The following TENM1 variants were observed in gnomAD, a reference collection of about 807,000 sequenced individuals.
The protein encoded by TENM1 is teneurin-1.
In TENM1, 35 loss-of-function variants were observed where a neutral mutation model predicts 174.8. The ratio of observed to expected loss-of-function variants is 0.20; its 90% CI spans 0.15 to 0.27. TENM1 has a LOEUF of 0.27. TENM1 is among the 10% of genes least tolerant of loss of function. The pLI, the probability that TENM1 is intolerant of heterozygous loss-of-function variation, is 1.00. For missense variants in TENM1, 1,633 were observed against 2,130.1 expected (o/e 0.77, Z 4.59); for synonymous variants, 781 against 798.7 (o/e 0.98, Z 0.37).
At chrX:124,997,933 T>C in the TENM1 span, among the ~76,000 whole-genome samples, 1 of 110,141 alleles carries the variant, frequency 9.1e-6, no homozygotes, top group East Asian at 2.9e-4. Context: ...TTTTCACCTA[T>C]ATAGAAGGTC....
chrX:124,704,015 C>A (rs1458460241), intron 5 of TENM1, among the ~76,000 whole-genome samples: 2 of 112,199 alleles, frequency 1.8e-5, no homozygotes, highest in Non-Finnish European at 3.8e-5. Context: ...ATGATGCCCA[C>A]ACAAACTCAT....
chrX:124,405,229 A>G (rs1982042641), exon 27 of TENM1: 2 of 1,209,425 alleles, frequency 1.7e-6, no homozygotes, highest in Admixed American at 4.4e-5. Flanking sequence ...CACGCAGGGA[A>G]CCATCTGGAT....
At chrX:124,458,926 A>G (rs1405391016) in intron 22 of TENM1, among the ~76,000 whole-genome samples, 2 of 112,456 alleles carry the variant, frequency 1.8e-5, no homozygotes, top group Non-Finnish European at 3.8e-5. Flanking sequence ...AACTTATTCA[A>G]GATTTATTCT....
chrX:125,009,237 T>C, the TENM1 span, among the ~76,000 whole-genome samples: 1 of 109,102 alleles, frequency 9.2e-6, no homozygotes, highest in African/African-American at 3.3e-5. Context: ...CAAACTACCA[T>C]TAGAGAATAC....
At chrX:124,923,590 A>G (rs1156692650) in intron 1 of TENM1, among the ~76,000 whole-genome samples, 1 of 112,208 alleles carries the variant, frequency 8.9e-6, no homozygotes. Context: ...GGCAAAGGGA[A>G]ATGAAGGTTG....
At chrX:124,430,385 G>C (rs2060767378) in intron 23 of TENM1, among the ~76,000 whole-genome samples, 1 of 112,333 alleles carries the variant, frequency 8.9e-6, no homozygotes, top group South Asian at 3.7e-4. Context: ...AATTCCATCT[G>C]TGTCATTTGC....
chrX:124,777,009 T>C (rs1291773604), intron 3 of TENM1, among the ~76,000 whole-genome samples: 1 of 111,624 alleles, frequency 9.0e-6, no homozygotes, highest in African/African-American at 3.3e-5. Flanking sequence ...TTTTGGTTTT[T>C]GTATCTTGGG....
chrX:125,198,276 AT>A, the TENM1 span, among the ~76,000 whole-genome samples: 6 of 112,041 alleles, frequency 5.4e-5, no homozygotes, highest in Admixed American at 4.7e-4. Context: ...GACTTTTTTT[AT>A]TTGAAAAGGA....
At chrX:124,439,618 A>G (rs1005442633) in intron 23 of TENM1, among the ~76,000 whole-genome samples, 1 of 111,491 alleles carries the variant, frequency 9.0e-6, no homozygotes, top group African/African-American at 3.3e-5. Context: ...AGACAGATAT[A>G]TGCCTCTCTG....
At chrX:125,100,980 C>T in the TENM1 span, among the ~76,000 whole-genome samples, 3 of 111,613 alleles carry the variant, frequency 2.7e-5, no homozygotes, top group Non-Finnish European at 5.6e-5. Context: ...ACTCACTATA[C>T]AAGACTCTGT....
At chrX:125,196,628 T>G in the TENM1 span, among the ~76,000 whole-genome samples, 2 of 111,883 alleles carry the variant, frequency 1.8e-5, no homozygotes. Flanking sequence ...CTAAAAACAG[T>G]ACCAAAATTT....
chrX:125,107,514 T>C, the TENM1 span, among the ~76,000 whole-genome samples: 13 of 112,089 alleles, frequency 1.2e-4, no homozygotes, highest in Admixed American at 3.8e-4. Context: ...GGTAGGCACC[T>C]TCTTCTCACC....
chrX:124,640,610 C>G (rs2050989608), intron 11 of TENM1, among the ~76,000 whole-genome samples: 2 of 111,826 alleles, frequency 1.8e-5, no homozygotes, highest in African/African-American at 3.3e-5. Flanking sequence ...AAGCCATGTG[C>G]ACACATATCT....
intron 1 of TENM1, among the ~76,000 whole-genome samples, chrX:124,944,779 T>C (rs1186906947): frequency 1.8e-5 from 2 of 109,405 alleles, no homozygotes; most frequent in African/African-American, 6.7e-5. Flanking sequence ...AGTATAAATG[T>C]ATAGTTATAC....
intron 4 of TENM1, among the ~76,000 whole-genome samples, chrX:124,711,938 C>T (rs1391718591): frequency 8.9e-6 from 1 of 112,007 alleles, no homozygotes; most frequent in Admixed American, 9.4e-5. Context: ...TAAGGGGAAT[C>T]ATACAGTATT....
At chrX:124,624,271 A>G (rs949093431) in intron 11 of TENM1, among the ~76,000 whole-genome samples, 18 of 111,421 alleles carry the variant, frequency 1.6e-4, no homozygotes, top group Admixed American at 1.3e-3. Flanking sequence ...TAGTATTTAT[A>G]TCTTCCCTCA....
chrX:125,094,133 T>C, the TENM1 span, among the ~76,000 whole-genome samples: 1 of 112,346 alleles, frequency 8.9e-6, no homozygotes, highest in Non-Finnish European at 1.9e-5. Flanking sequence ...GTGCAGAAAG[T>C]AATTTGTACC....
At chrX:124,972,847 C>A in the TENM1 span, among the ~76,000 whole-genome samples, 3 of 112,051 alleles carry the variant, frequency 2.7e-5, no homozygotes, top group Admixed American at 2.8e-4. Flanking sequence ...AAGAGTTGAA[C>A]TGAAATTATT....
At chrX:125,025,685 C>G in the TENM1 span, among the ~76,000 whole-genome samples, 123 of 110,576 alleles carry the variant, frequency 1.1e-3, no homozygotes, top group African/African-American at 3.9e-3. Flanking sequence ...AATTAGTGAC[C>G]GGGGAAGAAA....
Sources: gnomAD v4.1 joint callset for allele counts (sites outside exome capture counted in the v4.1 genomes callset) on GRCh38, gnomAD v4.1.1 for gene constraint, MANE v1.5 for transcripts, NCBI Gene and HGNC (gene_info 2026-07-23, HGNC 2026-07-21) for gene names.